TTC7A: variants seen among roughly 807,000 people sequenced by gnomAD.
TTC7A encodes the protein tetratricopeptide repeat protein 7A.
TTC7A carries 110 observed loss-of-function variants against 103.7 expected under a neutral mutation model. The observed-to-expected ratio is 1.06, with a 90% CI of 0.91 to 1.24. The LOEUF is 1.24. TTC7A is among the 50% of genes most tolerant of loss of function. The pLI is 0.00. For missense variants in TTC7A, 1,340 were observed against 1,116.3 expected (o/e 1.20, Z -2.86); for synonymous variants, 521 against 467.9 (o/e 1.11, Z -1.47).
chr2:47,020,894 G>A (rs1679214372), intron 11 of TTC7A, among the ~76,000 whole-genome samples: 1 of 152,246 alleles, frequency 6.6e-6, no homozygotes, highest in African/African-American at 2.4e-5. Flanking sequence ...GGGCAGCACT[G>A]GCTTTGGGGC....
intron 18 of TTC7A, among the ~76,000 whole-genome samples, 166 bp downstream of exon 18, chr2:47,052,046 G>A (rs1558631389): frequency 6.6e-6 from 1 of 152,250 alleles, no homozygotes; most frequent in Non-Finnish European, 1.5e-5. Flanking sequence ...TCTGCCCAGT[G>A]GAGATGGTGT....
chr2:46,965,531 G>C (rs1165318164), intron 3 of TTC7A, among the ~76,000 whole-genome samples: 1 of 151,988 alleles, frequency 6.6e-6, no homozygotes, highest in Non-Finnish European at 1.5e-5. Flanking sequence ...TTAGCTGAGG[G>C]GTCTTGGAAT....
At chr2:47,024,603 A>C (rs912827709) in intron 14 of TTC7A, among the ~76,000 whole-genome samples, 17 of 152,038 alleles carry the variant, frequency 1.1e-4, no homozygotes, top group African/African-American at 4.1e-4. Context: ...CTCCCCCTAC[A>C]ACATTTCAGT....
intron 5 of TTC7A, among the ~76,000 whole-genome samples, chr2:46,980,059 T>C (rs1391659565): frequency 6.6e-6 from 1 of 152,258 alleles, no homozygotes; most frequent in Admixed American, 6.5e-5. Flanking sequence ...TGGAGTTCTC[T>C]GAGGCCTGTG....
At chr2:47,000,072 T>C (rs1676637265) in intron 8 of TTC7A, among the ~76,000 whole-genome samples, 1 of 152,250 alleles carries the variant, frequency 6.6e-6, no homozygotes, top group Admixed American at 6.5e-5. Flanking sequence ...AAGATCTTTC[T>C]TGTATGACTT....
chr2:46,969,838 G>A (rs1475811467), intron 3 of TTC7A, among the ~76,000 whole-genome samples: 3 of 152,144 alleles, frequency 2.0e-5, no homozygotes, highest in African/African-American at 7.2e-5. Context: ...CCATCACTGG[G>A]GTGCAAAGAT....
Position 46,927,598 on chromosome 2 carries a change from G to C in TTC7A, c.82+10321G>C, listed in dbSNP as rs1669457350. Among the ~76,000 whole-genome samples, 3 of 151,986 alleles carry C rather than the reference G, an allele frequency of 2.0e-5. No homozygotes were observed. In the South Asian group the frequency reaches 6.2e-4, roughly 32 times the overall value. On this transcript the variant is annotated intron_variant, in intron 2 of 20. Transcript: ENST00000409245. ...GATGGTCTCAATCTCCTGACCTCGT[G>C]ATCTGCTCTCCTCGGCCTCCCAAAG...
intron 8 of TTC7A, among the ~76,000 whole-genome samples, chr2:47,001,569 A>G (rs942075147): frequency 2.0e-5 from 3 of 152,154 alleles, no homozygotes; most frequent in Non-Finnish European, 2.9e-5. Flanking sequence ...CTAAAGGAGT[A>G]ATGCAGGCCG....
intron 5 of TTC7A, among the ~76,000 whole-genome samples, chr2:46,991,864 G>A (rs76722586): frequency 0.096 from 14,537 of 152,044 alleles, 804 homozygotes; most frequent in Admixed American, 0.13. Context: ...GAAGGTCATC[G>A]TAACTCTGAT....
In TTC7A at chr2:46,998,157, T is replaced by G. The variant is rs951164467; in HGVS notation, c.1065+2958T>G. On this transcript the variant is annotated intron_variant, in intron 8 of 19. Transcript: ENST00000319190. The stretch of plus-strand genomic sequence containing the variant: ...GCCCAGACGCTGTTTGCACTGAGGC[T>G]GGGAGGAGGCACCTCTTGTGGGGTT... 9.2e-5 allele frequency among the ~76,000 whole-genome samples: 14 copies of G among 152,276 alleles called. 1 individual carries two copies. In the East Asian group the frequency reaches 2.7e-3, roughly 29 times the overall value.
At chr2:46,964,296 G>A (rs1330219696) in intron 3 of TTC7A, among the ~76,000 whole-genome samples, 2 of 152,196 alleles carry the variant, frequency 1.3e-5, no homozygotes, top group East Asian at 3.9e-4. Flanking sequence ...GGGAAACAAG[G>A]GGAGGTGGCT....
chr2:46,930,719 C>T (rs1471154835), intron 2 of TTC7A, among the ~76,000 whole-genome samples: 7 of 152,014 alleles, frequency 4.6e-5, no homozygotes, highest in African/African-American at 1.4e-4. Flanking sequence ...AAGCTGGTCT[C>T]GAACTCCTGA....
chr2:46,924,670 TG>T (rs1669291273), intron 2 of TTC7A, among the ~76,000 whole-genome samples: 1 of 152,164 alleles, frequency 6.6e-6, no homozygotes, highest in Non-Finnish European at 1.5e-5. Flanking sequence ...TCTGTCACCC[TG>T]GCTGGAGCGC....
chr2:47,054,269 TACAGATG>T, intron 18 of TTC7A: 1 of 458,816 alleles, frequency 2.2e-6, no homozygotes, highest in South Asian at 9.8e-5. Context: ...GTTTACAGTT[TACAGATG>T]ACAGCCTTGA....
intron 15 of TTC7A, chr2:47,035,216 T>C (rs1344263769): frequency 6.6e-6 from 1 of 152,198 alleles, no homozygotes; most frequent in Non-Finnish European, 1.5e-5. Context: ...TAAGGACTTG[T>C]AGTACATCAA....
At chr2:47,001,429 T>A (rs943393696) in intron 8 of TTC7A, among the ~76,000 whole-genome samples, 2 of 152,124 alleles carry the variant, frequency 1.3e-5, no homozygotes, top group Non-Finnish European at 2.9e-5. Flanking sequence ...CCCTGGGACC[T>A]TATGCAAGGT....
At chr2:47,043,754 G>C (rs1274527119) in intron 15 of TTC7A, among the ~76,000 whole-genome samples, 1 of 152,134 alleles carries the variant, frequency 6.6e-6, no homozygotes, top group Non-Finnish European at 1.5e-5. Flanking sequence ...AGCCCAGAAA[G>C]GATGTGGTCG....
rs201141407 is a variant in TTC7A, at chr2:47,046,373, G to C, written c.1861G>C (p.Val621Leu). ...GCTGAAAGGCCCAGAGGAAGCCCTCGTGACCTGCAGACAAGTGCTGAGGCT... is the reference window on the plus strand; with the variant it reads ...GCTGAAAGGCCCAGAGGAAGCCCTCCTGACCTGCAGACAAGTGCTGAGGCT... ...QVLKGPEEAL[V>L]TCRQVLRLWQ... The change falls in exon 16 of 20, where the codon GTG (valine) becomes CTG (leucine). Residue 621 changes from valine (V) to leucine (L), a missense_variant. Transcript: ENST00000319190. The C allele has an allele frequency of 1.5e-5, 24 of 1,614,074 alleles. No individual in the cohort carries two copies. The highest frequency in any genetic ancestry group is 2.2e-5 in the East Asian group (1 of 44,888).
At chr2:46,980,360 C>T (rs1257603541) in intron 5 of TTC7A, among the ~76,000 whole-genome samples, 1 of 151,930 alleles carries the variant, frequency 6.6e-6, no homozygotes, top group Non-Finnish European at 1.5e-5. Context: ...GCTGGGACAA[C>T]AGGCATGCAC....
Sources: gnomAD v4.1 joint callset for allele counts (sites outside exome capture counted in the v4.1 genomes callset) on GRCh38, gnomAD v4.1.1 for gene constraint, MANE v1.5 for transcripts, NCBI Gene and HGNC (gene_info 2026-07-23, HGNC 2026-07-21) for gene names.